The following ARFGEF3 variants were observed in gnomAD, a reference collection of about 807,000 sequenced individuals.
ARFGEF3 encodes brefeldin A-inhibited guanine nucleotide-exchange protein 3.
A neutral mutation model predicts 221.7 loss-of-function variants in ARFGEF3; 96 were observed. The observed-to-expected ratio is 0.43, with a 90% confidence interval of 0.37 to 0.51. The LOEUF (loss-of-function observed/expected upper bound fraction) is 0.51. Ranked by LOEUF, ARFGEF3 falls within the 20% of genes least tolerant of loss-of-function variation. ARFGEF3 has a pLI of 0.00. For missense variants in ARFGEF3, 2,410 were observed against 2,789.9 expected, an observed-to-expected ratio of 0.86 and a Z score of 3.07; for synonymous variants, 1,145 against 1,126.8, an observed-to-expected ratio of 1.02 and a Z score of -0.32.
intron 33 of ARFGEF3, among the ~76,000 whole-genome samples, chr6:138,336,005 G>T (rs988236796): frequency 6.7e-6 from 1 of 148,634 alleles, no homozygotes; most frequent in Non-Finnish European, 1.5e-5. Flanking sequence ...GGCAAGGGAG[G>T]TTTGTTGTTG....
At chr6:138,317,212 C>T (rs1337939885) in intron 26 of ARFGEF3, 39 bp from the exon 27 acceptor site, 1 of 1,602,748 alleles carries the variant, frequency 6.2e-7, no homozygotes, top group African/African-American at 1.3e-5. Context: ...TTCATTGTGT[C>T]TAACTGGATT....
rs750439009 is a variant in ARFGEF3 at position 138,334,976 on chromosome 6, G to A, written c.6130G>A (p.Glu2044Lys). Residue 2044 changes from glutamate to lysine, a missense_variant, in exon 33 of 34, where the codon GAG (glutamate) becomes AAG (lysine). Coordinates refer to ENST00000251691, the MANE Select transcript of ARFGEF3 (RefSeq NM_020340.5). This position sits in a 1 kb window ranked among gnomAD's most constrained non-coding sequence, Gnocchi z 5.1. The stretch of plus-strand genomic sequence containing the variant: ...GCACAACCTGTCCGCGTTCCCCAAA[G>A]AGGTCAAAGTGGAGAAGAAAGGAGA... ...QQHNLSAFPK[E>K]VKVEKKGEPL... The A allele has an allele frequency of 6.3e-7, 1 of 1,585,990 alleles. No homozygotes were observed.
chr6:138,266,876 A>G (rs1305839387), intron 12 of ARFGEF3, among the ~76,000 whole-genome samples: 1 of 149,416 alleles, frequency 6.7e-6, no homozygotes, highest in Non-Finnish European at 1.5e-5. Context: ...GATGTGCAAT[A>G]GTTCATGAGC....
At chr6:138,276,519 G>A (rs990658212) in intron 12 of ARFGEF3, among the ~76,000 whole-genome samples, 2 of 151,872 alleles carry the variant, frequency 1.3e-5, no homozygotes, top group Admixed American at 1.3e-4. Flanking sequence ...AAGATAGTGG[G>A]GAGAAAGTCA....
chr6:138,170,707 T>C lies in ARFGEF3; in HGVS notation c.131T>C (p.Val44Ala). 6.4e-7 allele frequency: 1 copy of C among 1,573,812 alleles called. No individual in the cohort carries two copies. Among genetic ancestry groups the C allele is most frequent in the Non-Finnish European group, 8.7e-7 (1 of 1,143,682 alleles). ...ACCATTGTCAAGATCCCTCCACATG[T>C]ACTGAGGTAGGAGATGGACATTGTA... is the stretch of plus-strand genomic sequence containing the variant. ...LDTIVKIPPH[V>A]LREKCLLPLQ... The change falls in exon 2 of 34, where the codon GTA becomes GCA. Residue 44 changes from valine (V) to alanine (A), a missense_variant. Physicochemically the swap from Val to Ala is moderately conservative, Grantham distance 64. Around this residue, in one of 5 missense-constraint regions of ARFGEF3, gnomAD observed 570 missense variants for 586.9 expected, o/e 0.97. Transcript: ENST00000251691.
At chr6:138,310,457 A>G (rs1424637568) in intron 24 of ARFGEF3, among the ~76,000 whole-genome samples, 1 of 152,244 alleles carries the variant, frequency 6.6e-6, no homozygotes, top group Non-Finnish European at 1.5e-5. Flanking sequence ...CGGTTGCAAT[A>G]AAGACAGTAT....
intron 28 of ARFGEF3, 74 bp downstream of exon 28, chr6:138,319,953 T>A: frequency 8.1e-7 from 1 of 1,230,504 alleles, no homozygotes; most frequent in Non-Finnish European, 1.2e-6. Flanking sequence ...AACGGTGTAG[T>A]AAATACCTAA....
chr6:138,196,881 T>A (rs1185769695), intron 2 of ARFGEF3, among the ~76,000 whole-genome samples: 1 of 152,210 alleles, frequency 6.6e-6, no homozygotes, highest in African/African-American at 2.4e-5. Context: ...TGGCCCAGGC[T>A]GGAGTGCAGT....
In ARFGEF3 at chr6:138,232,181, G is replaced by A. The variant is rs9494974; in HGVS notation, c.420+2329G>A. Among the ~76,000 whole-genome samples, 994 of 152,268 alleles carry A rather than the reference G, an allele frequency of 6.5e-3. 10 individuals carry two copies. Among genetic ancestry groups the A allele is most frequent in the African/African-American group, 0.022 (902 of 41,548 alleles). On this transcript the variant is annotated intron_variant, in intron 5 of 33. Transcript: ENST00000251691. ...TTACCTTCATATAGGAAAAAGCTGT[G>A]GGAGCAGAAATTGCCAAGGTCTTGG...
chr6:138,209,108 G>C (rs1562353651), intron 3 of ARFGEF3, among the ~76,000 whole-genome samples: 1 of 152,242 alleles, frequency 6.6e-6, no homozygotes, highest in East Asian at 1.9e-4. Flanking sequence ...GAGGTTTTGG[G>C]GGGGATGCAT....
At chr6:138,303,826 C>A (rs976610538) in intron 22 of ARFGEF3, among the ~76,000 whole-genome samples, 1 of 139,082 alleles carries the variant, frequency 7.2e-6, no homozygotes, top group Admixed American at 7.3e-5. Flanking sequence ...CGTGCCATTG[C>A]GCCCCAGCCT....
intron 29 of ARFGEF3, among the ~76,000 whole-genome samples, 192 bp from the exon 30 acceptor site, chr6:138,323,479 C>T (rs1045019902): frequency 2.0e-5 from 3 of 152,046 alleles, no homozygotes; most frequent in Non-Finnish European, 2.9e-5. Flanking sequence ...GGCATGGAGG[C>T]GCATGCCTGT....
intron 24 of ARFGEF3, among the ~76,000 whole-genome samples, chr6:138,310,546 A>C (rs75986243): frequency 5.9e-5 from 9 of 151,924 alleles, no homozygotes; most frequent in Non-Finnish European, 1.2e-4. Flanking sequence ...AACCTAAGAA[A>C]TGTTTTTTGT....
intron 2 of ARFGEF3, among the ~76,000 whole-genome samples, chr6:138,191,461 G>A (rs138783378): frequency 2.6e-5 from 4 of 152,214 alleles, no homozygotes; most frequent in Non-Finnish European, 5.9e-5. Flanking sequence ...GAGCATCACA[G>A]CCTCTTCTGG....
chr6:138,291,866 TCGCCCCCCGAGCACAGCCCGGAGCAGGGG>T lies in ARFGEF3; in HGVS notation c.3185_3213del (p.Pro1062LeufsTer55). On this transcript the variant is annotated frameshift_variant, in exon 19 of 34. Coordinates refer to ENST00000251691, the MANE Select transcript of ARFGEF3 (RefSeq NM_020340.5). LOFTEE classifies it high-confidence loss of function. This position sits in a 1 kb window ranked among gnomAD's most constrained non-coding sequence, Gnocchi z 4.5. ...CCTTGGGGACCCCGAGTGTGAGGGC[TCGCCCCCCGAGCACAGCCCGGAGCAGGGG>T]CGCTCCCTGAGCACGGCCCCTGTCG... 2 of 1,496,074 alleles carry T rather than the reference TCGCCCCCCGAGCACAGCCCGGAGCAGGGG, an allele frequency of 1.3e-6. No homozygotes were observed. The highest frequency in any genetic ancestry group is 1.8e-6 in the Non-Finnish European group (2 of 1,118,304). 92.7% of individuals were successfully genotyped at this position (1,496,074 alleles called of 1,614,324 possible).
chr6:138,225,789 A>T (rs913123927), intron 4 of ARFGEF3, among the ~76,000 whole-genome samples: 2 of 151,514 alleles, frequency 1.3e-5, no homozygotes, highest in Non-Finnish European at 2.9e-5. Context: ...TATTTCTAAT[A>T]TTTTTTTTTA....
chr6:138,198,918 G>A lies in ARFGEF3; in HGVS notation c.138-8124G>A, dbSNP rs373734893. ...TGACTCTCCGTGTAGACGTTATGGCGTAGGCTTGAGGACATAGATTTTCAA... is the reference window on the plus strand; with the variant it reads ...TGACTCTCCGTGTAGACGTTATGGCATAGGCTTGAGGACATAGATTTTCAA... On this transcript the variant is annotated intron_variant, in intron 2 of 33. Coordinates refer to ENST00000251691, the MANE Select transcript of ARFGEF3 (RefSeq NM_020340.5). 1.5e-4 allele frequency among the ~76,000 whole-genome samples: 23 copies of A among 152,290 alleles called. No individual in the cohort carries two copies. In the East Asian group the frequency reaches 3.9e-3, roughly 26 times the overall value.
intron 9 of ARFGEF3, among the ~76,000 whole-genome samples, chr6:138,254,491 G>A (rs1778639305): frequency 6.6e-6 from 1 of 151,778 alleles, no homozygotes; most frequent in South Asian, 2.1e-4. Context: ...CTGCACTTTG[G>A]GAGACCTAGG....
At chr6:138,321,480 A>C (rs1780026288) in intron 29 of ARFGEF3, among the ~76,000 whole-genome samples, 1 of 152,202 alleles carries the variant, frequency 6.6e-6, no homozygotes, top group Non-Finnish European at 1.5e-5. Context: ...GGTATATGAA[A>C]AGGTGCTCAG....
Sources: allele counts gnomAD v4.1 joint callset (sites outside exome capture counted in the v4.1 genomes callset), GRCh38; gene constraint gnomAD v4.1.1; regional missense constraint gnomAD v4.1.1; non-coding constraint Gnocchi (gnomAD v3.1); transcripts MANE v1.5; gene names NCBI Gene and HGNC (gene_info 2026-07-23, HGNC 2026-07-21).